The following PITPNB variants were observed in gnomAD, a reference collection of about 807,000 sequenced individuals.
The protein encoded by PITPNB is phosphatidylinositol transfer protein beta isoform.
PITPNB carries 16 observed loss-of-function variants against 45.9 expected under a neutral mutation model. That is an observed-to-expected ratio of 0.35 (90% CI 0.24 to 0.53). The LOEUF is 0.53. PITPNB is among the 20% of genes least tolerant of loss of function. The pLI is 0.93. For synonymous variants in PITPNB, 112 were observed against 108.9 expected (o/e 1.03, Z -0.18); for missense variants, 188 against 330.5 (o/e 0.57, Z 3.34).
chr22:27,853,412 C>T lies in PITPNB; in HGVS notation c.*290G>A, dbSNP rs1408884291. 2.0e-6 allele frequency: 1 copy of T among 507,020 alleles called. No homozygotes were observed. Among genetic ancestry groups the T allele is most frequent in the Non-Finnish European group, 3.5e-6 (1 of 286,314 alleles). The allele number at this position is 507,020 out of a possible 1,614,324, so 31.4% of individuals were successfully genotyped here. Reference sequence around the variant, plus strand: ...GTACTTTGGAGAAATTGTACTAATCCCTTCAGTATGTCTGTATGTACATAT... The same window carrying T: ...GTACTTTGGAGAAATTGTACTAATCTCTTCAGTATGTCTGTATGTACATAT... On this transcript the variant is annotated 3_prime_UTR_variant, in exon 12 of 12. Transcript: ENST00000335272.
chr22:27,907,263 G>A (rs1935790618), intron 3 of PITPNB, among the ~76,000 whole-genome samples: 1 of 152,176 alleles, frequency 6.6e-6, no homozygotes, highest in African/African-American at 2.4e-5. Context: ...AGTCTCATGG[G>A]GCTGCACCTT....
chr22:27,886,063 T>C (rs1015103592), intron 7 of PITPNB, among the ~76,000 whole-genome samples: 2 of 152,210 alleles, frequency 1.3e-5, no homozygotes, highest in African/African-American at 2.4e-5. Context: ...TGCTGGAGCA[T>C]GGTGTACTCT....
chr22:27,914,473 G>C (rs1601433681), intron 1 of PITPNB, 126 bp from the exon 2 acceptor site: 2 of 590,458 alleles, frequency 3.4e-6, no homozygotes, highest in East Asian at 6.2e-5. Flanking sequence ...AAAAATACAA[G>C]GGTGTCATTT....
intron 8 of PITPNB, among the ~76,000 whole-genome samples, chr22:27,866,773 T>C (rs539072951): frequency 6.6e-6 from 1 of 152,346 alleles, no homozygotes; most frequent in Non-Finnish European, 1.5e-5. Flanking sequence ...TTTTCAATTT[T>C]AGGCAATGTG....
chr22:27,891,095 G>A (rs547078644), intron 7 of PITPNB, among the ~76,000 whole-genome samples: 1 of 152,164 alleles, frequency 6.6e-6, no homozygotes, highest in Admixed American at 6.5e-5. Flanking sequence ...GGGAACGACT[G>A]TTCATGAGTA....
intron 7 of PITPNB, among the ~76,000 whole-genome samples, chr22:27,887,280 A>G (rs541778443): frequency 1.3e-5 from 2 of 152,320 alleles, no homozygotes; most frequent in South Asian, 4.1e-4. Flanking sequence ...GGTCATAAAA[A>G]TAGTGTTGAG....
intron 7 of PITPNB, among the ~76,000 whole-genome samples, chr22:27,888,272 T>C (rs1935181370): frequency 6.6e-6 from 1 of 152,226 alleles, no homozygotes; most frequent in Non-Finnish European, 1.5e-5. Flanking sequence ...TCCCGATTGA[T>C]AAAGAAACAC....
chr22:27,898,258 C>T (rs1935489794), intron 3 of PITPNB, among the ~76,000 whole-genome samples: 1 of 151,910 alleles, frequency 6.6e-6, no homozygotes, highest in Non-Finnish European at 1.5e-5. Context: ...GCCTGTAGCC[C>T]CAACTATTCA....
intron 8 of PITPNB, among the ~76,000 whole-genome samples, chr22:27,869,709 CATT>C (rs1455248946): frequency 6.6e-6 from 1 of 152,172 alleles, no homozygotes; most frequent in African/African-American, 2.4e-5. Context: ...AAGACAAAAG[CATT>C]ATAACAATAA....
chr22:27,854,929 C>T lies in PITPNB; in HGVS notation c.779G>A (p.Arg260Lys), dbSNP rs903965473. 1.2e-6 allele frequency: 2 copies of T among 1,613,034 alleles called. No individual in the cohort carries two copies. Among genetic ancestry groups the T allele is most frequent in the African/African-American group, 1.3e-5 (1 of 74,998 alleles). The change falls in exon 11 of 12, where the codon AGG becomes AAG. Residue 260 changes from arginine (R) to lysine (K), a missense_variant. Coordinates refer to ENST00000335272, the MANE Select transcript of PITPNB (RefSeq NM_012399.5). Reference protein sequence around the residue: ...TQKELETMRKRGSVRGTSAAD... With the variant: ...TQKELETMRKKGSVRGTSAAD... ...AGCCGACGTGCCTCGAACGGAACCC[C>T]TCTTACGCATCTAAACGTAAAATAA...
chr22:27,883,434 G>A (rs1034547722), intron 7 of PITPNB, among the ~76,000 whole-genome samples: 13 of 152,202 alleles, frequency 8.5e-5, no homozygotes, highest in Non-Finnish European at 1.5e-5. Context: ...CAAAATCCTA[G>A]AAGGGTGCCT....
chr22:27,905,716 A>G (rs1234654621), intron 3 of PITPNB, among the ~76,000 whole-genome samples: 2 of 152,192 alleles, frequency 1.3e-5, no homozygotes, highest in Non-Finnish European at 2.9e-5. Flanking sequence ...ATTCCCCATC[A>G]ATCAGGACTG....
chr22:27,917,697 G>C (rs759049176), intron 1 of PITPNB, among the ~76,000 whole-genome samples: 3 of 152,168 alleles, frequency 2.0e-5, no homozygotes, highest in Admixed American at 6.5e-5. Context: ...TTACATGCGA[G>C]GGACTATTCT....
chr22:27,888,395 G>A (rs1208491256), intron 7 of PITPNB, among the ~76,000 whole-genome samples: 3 of 152,220 alleles, frequency 2.0e-5, no homozygotes, highest in Non-Finnish European at 4.4e-5. Flanking sequence ...AATTCTGCTA[G>A]ACTAGCAACA....
chr22:27,866,580 G>A (rs1013729616), intron 8 of PITPNB, among the ~76,000 whole-genome samples: 2 of 152,142 alleles, frequency 1.3e-5, no homozygotes, highest in African/African-American at 4.8e-5. Context: ...TTCTGGAAAT[G>A]TATTTTCTAA....
intron 3 of PITPNB, chr22:27,910,725 T>C (rs991520455): frequency 1.0e-5 from 4 of 393,858 alleles, no homozygotes; most frequent in Non-Finnish European, 1.8e-5. Flanking sequence ...CTCTCTGTGT[T>C]ACAAATATTT....
chr22:27,885,212 T>C (rs1229297964), intron 7 of PITPNB, among the ~76,000 whole-genome samples: 1 of 30,192 alleles, frequency 3.3e-5, no homozygotes, highest in South Asian at 1.4e-3. Flanking sequence ...AATTTATACC[T>C]AAAAAAAAAA....
chr22:27,913,795 G>A (rs1454043952), intron 2 of PITPNB, among the ~76,000 whole-genome samples: 1 of 152,178 alleles, frequency 6.6e-6, no homozygotes, highest in Admixed American at 6.5e-5. Flanking sequence ...AAGTGCTTGT[G>A]GGGGATGGGG....
Position 27,885,143 on chromosome 22 carries a change from T to G in PITPNB, c.456+9412A>C, listed in dbSNP as rs146964312. On this transcript the variant is annotated intron_variant, in intron 7 of 11. Transcript: ENST00000335272. Reference sequence around the variant, plus strand: ...TCTCCCGGGAAGTGACTTTTGTATATAAATCATGGAAAGCTACTTAGACAA... The same window carrying G: ...TCTCCCGGGAAGTGACTTTTGTATAGAAATCATGGAAAGCTACTTAGACAA... 3.6e-3 allele frequency among the ~76,000 whole-genome samples: 497 copies of G among 137,320 alleles called. 5 individuals are homozygous for G. The highest frequency in any genetic ancestry group is 0.017 in the Middle Eastern group (4 of 242). The allele number at this position is 137,320 out of a possible 152,430, so 90.1% of individuals were successfully genotyped here.
Sources: gnomAD v4.1 joint callset for allele counts (sites outside exome capture counted in the v4.1 genomes callset) on GRCh38, gnomAD v4.1.1 for gene constraint, MANE v1.5 for transcripts, NCBI Gene and HGNC (gene_info 2026-07-23, HGNC 2026-07-21) for gene names.